Variants in FAM120C observed in about 807,000 individuals in gnomAD.
The protein encoded by FAM120C is constitutive coactivator of PPAR-gamma-like protein 2.
In FAM120C, 14 loss-of-function variants were observed where a neutral mutation model predicts 71.2. The ratio of observed to expected loss-of-function variants is 0.20; its 90% CI spans 0.13 to 0.31. The LOEUF (loss-of-function observed/expected upper bound fraction) is 0.31. Among genes scored for constraint, FAM120C ranks in the 10% least tolerant of loss-of-function variants. The pLI, the probability that FAM120C is intolerant of heterozygous loss-of-function variation, is 1.00. For synonymous variants in FAM120C, 354 were observed against 353.2 expected (o/e 1.00, Z -0.03); for missense variants, 500 against 879.0 (o/e 0.57, Z 5.45).
chrX:54,104,494 T>C (rs905636214), intron 10 of FAM120C, among the ~76,000 whole-genome samples: 2 of 111,987 alleles, frequency 1.8e-5, no homozygotes, highest in African/African-American at 3.2e-5. Context: ...TGCATTTTTT[T>C]CCTACCATTT....
At chrX:54,156,298 A>G (rs1557133680) in intron 3 of FAM120C, among the ~76,000 whole-genome samples, 1 of 101,646 alleles carries the variant, frequency 9.8e-6, no homozygotes. Context: ...GTATGCGGGT[A>G]TCAGTCTCAC....
intron 1 of FAM120C, among the ~76,000 whole-genome samples, chrX:54,163,402 T>C (rs1447353386): frequency 8.9e-6 from 1 of 112,477 alleles, no homozygotes. Context: ...AATGCTAATG[T>C]GAAACAAGCC....
chrX:54,176,532 A>C (rs1557136714), intron 1 of FAM120C, among the ~76,000 whole-genome samples: 1 of 111,104 alleles, frequency 9.0e-6, no homozygotes, highest in African/African-American at 3.3e-5. Flanking sequence ...GATTAAATGA[A>C]TATTGGTGAG....
At chrX:54,130,621 G>A (rs2067061440) in intron 9 of FAM120C, among the ~76,000 whole-genome samples, 1 of 111,075 alleles carries the variant, frequency 9.0e-6, no homozygotes, top group Admixed American at 9.7e-5. Flanking sequence ...GGAAGTCCTG[G>A]CTCCCCACTT....
intron 4 of FAM120C, among the ~76,000 whole-genome samples, chrX:54,146,162 T>C (rs1246094250): frequency 1.2e-5 from 1 of 82,739 alleles, no homozygotes; most frequent in African/African-American, 4.8e-5. Flanking sequence ...TCTCGTGGGG[T>C]GGGGGAAGGG....
intron 15 of FAM120C, among the ~76,000 whole-genome samples, chrX:54,076,367 A>G (rs1375983854): frequency 9.0e-6 from 1 of 110,638 alleles, no homozygotes; most frequent in Non-Finnish European, 1.9e-5. Flanking sequence ...GAATTTAAGA[A>G]CATATAAAAC....
At chrX:54,129,434 G>T (rs1416979492) in intron 9 of FAM120C, among the ~76,000 whole-genome samples, 2 of 109,067 alleles carry the variant, frequency 1.8e-5, no homozygotes, top group Non-Finnish European at 3.8e-5. Flanking sequence ...CGGCCGGGCA[G>T]AGAAGCTCCT....
intron 10 of FAM120C, among the ~76,000 whole-genome samples, chrX:54,091,975 C>A (rs2066826682): frequency 9.0e-6 from 1 of 110,801 alleles, no homozygotes; most frequent in Admixed American, 9.7e-5. Context: ...GTGGAAAGTG[C>A]GGTCATGAAC....
chrX:54,150,502 G>C (rs782183534), intron 4 of FAM120C, among the ~76,000 whole-genome samples: 3 of 111,436 alleles, frequency 2.7e-5, no homozygotes, highest in African/African-American at 9.8e-5. Context: ...AATTTCTTTG[G>C]GGGAAAGAAA....
chrX:54,125,353 C>T (rs1557127830), intron 9 of FAM120C, among the ~76,000 whole-genome samples: 1 of 111,333 alleles, frequency 9.0e-6, no homozygotes, highest in Non-Finnish European at 1.9e-5. Flanking sequence ...GACTACAGTG[C>T]AGTGGAGTGA....
chrX:54,155,129 G>A (rs1268177560), intron 3 of FAM120C, among the ~76,000 whole-genome samples: 5 of 111,435 alleles, frequency 4.5e-5, no homozygotes, highest in East Asian at 2.8e-4. Context: ...AATTGAGTCC[G>A]GGAGTTCGAG....
intron 11 of FAM120C, 86 bp from the exon 12 acceptor site, chrX:54,088,050 C>T: frequency 1.2e-6 from 1 of 827,054 alleles, no homozygotes; most frequent in Non-Finnish European, 1.7e-6. Context: ...GCTGATTCTT[C>T]CAGTTAAATT....
chrX:54,080,123 G>A (rs1186222236), intron 15 of FAM120C, 109 bp downstream of exon 15: 2 of 594,929 alleles, frequency 3.4e-6, no homozygotes, highest in Non-Finnish European at 5.5e-6. Context: ...GAGTTGAGAA[G>A]CTCCCCTAAG....
chrX:54,099,322 CAT>C (rs1379311991), intron 10 of FAM120C, among the ~76,000 whole-genome samples: 3 of 111,481 alleles, frequency 2.7e-5, no homozygotes, highest in Non-Finnish European at 5.6e-5. Context: ...GGATTACACA[CAT>C]GAGCTAGTGT....
intron 15 of FAM120C, among the ~76,000 whole-genome samples, chrX:54,079,727 G>A (rs2066755193): frequency 9.1e-6 from 1 of 110,299 alleles, no homozygotes; most frequent in African/African-American, 3.3e-5. Context: ...AACCCGGGAG[G>A]CAGAGGTTGT....
chrX:54,115,415 A>G (rs782077937), intron 10 of FAM120C, among the ~76,000 whole-genome samples: 1 of 112,231 alleles, frequency 8.9e-6, no homozygotes, highest in East Asian at 2.8e-4. Flanking sequence ...TGAAAACACT[A>G]GATTGGCAAA....
rs2086415456 is a variant in FAM120C at position 54,116,593 on chromosome X, T to C, written c.2264A>G (p.Asn755Ser). ...CMKSDTPSML[N>S]PANVPTHLLL... Reference sequence around the variant, plus strand: ...CAGATGGGTGGGGACATTAGCTGGATTGAGCATACTGGGCGTGTCCGACTT... The same window carrying C: ...CAGATGGGTGGGGACATTAGCTGGACTGAGCATACTGGGCGTGTCCGACTT... Residue 755 changes from asparagine to serine, a missense_variant, in exon 10 of 16, where the codon AAT (asparagine) becomes AGT (serine). Transcript: ENST00000375180. 1 of 1,211,688 alleles carries C rather than the reference T, an allele frequency of 8.3e-7. No homozygotes were observed. The highest frequency in any genetic ancestry group is 1.1e-6 in the Non-Finnish European group (1 of 895,435).
At chrX:54,103,267 A>G (rs781794176) in intron 10 of FAM120C, among the ~76,000 whole-genome samples, 2 of 111,012 alleles carry the variant, frequency 1.8e-5, no homozygotes, top group African/African-American at 3.3e-5. Flanking sequence ...CAGTTTGCCT[A>G]TATCTCAGGC....
At chrX:54,104,963 G>A (rs961184316) in intron 10 of FAM120C, among the ~76,000 whole-genome samples, 3 of 111,491 alleles carry the variant, frequency 2.7e-5, no homozygotes, top group Admixed American at 1.9e-4. Context: ...ATTCACAGCC[G>A]AATTCTATCA....
Sources: gnomAD v4.1 joint callset for allele counts (sites outside exome capture counted in the v4.1 genomes callset) on GRCh38, gnomAD v4.1.1 for gene constraint, MANE v1.5 for transcripts, NCBI Gene and HGNC (gene_info 2026-07-23, HGNC 2026-07-21) for gene names.